Variants in SLC35F1 observed in about 807,000 individuals in gnomAD.
SLC35F1 encodes solute carrier family 35 member F1, also known as chromosome 6 open reading frame 169.
SLC35F1 carries 14 observed loss-of-function variants against 48.7 expected under a neutral mutation model. The ratio of observed to expected loss-of-function variants is 0.29; its 90% CI spans 0.19 to 0.45. The LOEUF is 0.45. SLC35F1 is among the 20% of genes least tolerant of loss of function. The pLI is 1.00. For synonymous variants in SLC35F1, 190 were observed against 202.2 expected, an observed-to-expected ratio of 0.94 and a Z score of 0.51; for missense variants, 404 against 500.0, an observed-to-expected ratio of 0.81 and a Z score of 1.83.
chr6:118,251,326 A>AT lies in SLC35F1; in HGVS notation c.478-15657dup, dbSNP rs1232506227. ...TGGTTGTGTTTTGTGTGTTTTTTAA[A>AT]TTTTTTTTTTTTACAGTAAGAACCC... On this transcript the variant is annotated intron_variant, in intron 3 of 7. Coordinates refer to ENST00000360388, the MANE Select transcript of SLC35F1 (RefSeq NM_001029858.4). 8.1e-4 allele frequency among the ~76,000 whole-genome samples: 120 copies of AT among 147,496 alleles called. 1 individual carries two copies. The highest frequency in any genetic ancestry group is 6.1e-3 in the South Asian group (28 of 4,614).
chr6:118,181,478 AC>A (rs1283041263), intron 2 of SLC35F1, among the ~76,000 whole-genome samples: 1 of 152,118 alleles, frequency 6.6e-6, no homozygotes, highest in Non-Finnish European at 1.5e-5. Flanking sequence ...TAGAGGGAAG[AC>A]AATAAAATGA....
chr6:117,921,353 GT>G (rs950438078), intron 1 of SLC35F1, among the ~76,000 whole-genome samples: 10 of 152,196 alleles, frequency 6.6e-5, no homozygotes, highest in African/African-American at 2.4e-4. Flanking sequence ...CCCGTAAGGG[GT>G]TTCCCCCCAT....
intron 1 of SLC35F1, among the ~76,000 whole-genome samples, chr6:117,974,829 C>T (rs1010892533): frequency 1.3e-5 from 2 of 152,098 alleles, no homozygotes; most frequent in African/African-American, 4.8e-5. Context: ...AGAAGAGTAG[C>T]ATTGTTTTAC....
At chr6:117,976,523 T>C (rs1026057305) in intron 1 of SLC35F1, among the ~76,000 whole-genome samples, 1 of 2,032 alleles carries the variant, frequency 4.9e-4, no homozygotes, top group East Asian at 0.083. Context: ...ATTATTTAGA[T>C]GATAAATAAA....
chr6:118,013,086 G>A (rs1317956371), intron 1 of SLC35F1, among the ~76,000 whole-genome samples: 1 of 152,098 alleles, frequency 6.6e-6, no homozygotes, highest in Non-Finnish European at 1.5e-5. Context: ...CCTGTTTTCT[G>A]CAGCTCAATG....
chr6:118,108,888 A>G (rs79544729), intron 1 of SLC35F1, among the ~76,000 whole-genome samples: 2,607 of 152,284 alleles, frequency 0.017, 77 homozygotes, highest in African/African-American at 0.059. Context: ...ATAAAATTAA[A>G]TTGCAATACT....
chr6:118,246,804 A>G, intron 3 of SLC35F1, among the ~76,000 whole-genome samples: 1 of 152,176 alleles, frequency 6.6e-6, no homozygotes, highest in East Asian at 1.9e-4. Flanking sequence ...GATGCAACCA[A>G]CAAAAAAAGT....
intron 1 of SLC35F1, among the ~76,000 whole-genome samples, chr6:117,962,065 G>A (rs561651889): frequency 1.2e-4 from 19 of 152,308 alleles, no homozygotes; most frequent in Admixed American, 7.2e-4. Context: ...ACATTTAGAT[G>A]TTTAGTAACT....
chr6:117,951,236 A>G (rs1416388909), intron 1 of SLC35F1, among the ~76,000 whole-genome samples: 1 of 152,206 alleles, frequency 6.6e-6, no homozygotes, highest in East Asian at 1.9e-4. Flanking sequence ...ATGAAATTCA[A>G]AAAAGGAAGG....
intron 3 of SLC35F1, among the ~76,000 whole-genome samples, chr6:118,244,175 C>G (rs535172256): frequency 6.6e-6 from 1 of 152,318 alleles, no homozygotes; most frequent in Non-Finnish European, 1.5e-5. Flanking sequence ...ATTACCATAC[C>G]CATTCCTACA....
intron 1 of SLC35F1, among the ~76,000 whole-genome samples, chr6:118,026,219 C>G (rs1484326065): frequency 6.6e-6 from 1 of 152,056 alleles, no homozygotes; most frequent in Non-Finnish European, 1.5e-5. Context: ...ATGAGCTAAA[C>G]CTGAAAGGAC....
chr6:118,032,748 G>T (rs765267544), intron 1 of SLC35F1, among the ~76,000 whole-genome samples: 1 of 152,090 alleles, frequency 6.6e-6, no homozygotes, highest in Non-Finnish European at 1.5e-5. Context: ...TTGTCATCAT[G>T]CTCTCCTGTA....
intron 1 of SLC35F1, among the ~76,000 whole-genome samples, chr6:118,116,247 GC>G (rs1253096210): frequency 6.6e-6 from 1 of 152,204 alleles, no homozygotes; most frequent in Non-Finnish European, 1.5e-5. Context: ...AAGAGAGCTG[GC>G]CTGCTACTCA....
At chr6:118,108,242 AC>A (rs1236030156) in intron 1 of SLC35F1, among the ~76,000 whole-genome samples, 1 of 152,146 alleles carries the variant, frequency 6.6e-6, no homozygotes, top group Non-Finnish European at 1.5e-5. Context: ...TTGATGTTTA[AC>A]TGTACAGGTT....
At chr6:118,104,367 C>G (rs1773300912) in intron 1 of SLC35F1, among the ~76,000 whole-genome samples, 1 of 152,098 alleles carries the variant, frequency 6.6e-6, no homozygotes, top group African/African-American at 2.4e-5. Flanking sequence ...ATTTAACCTC[C>G]CTAATTCTTA....
chr6:118,082,865 T>A (rs1225144750), intron 1 of SLC35F1, among the ~76,000 whole-genome samples: 1 of 152,138 alleles, frequency 6.6e-6, no homozygotes, highest in Non-Finnish European at 1.5e-5. Context: ...CTTGCCTGAA[T>A]CACCTGCTCA....
intron 1 of SLC35F1, 79 bp from the exon 2 acceptor site, chr6:118,154,366 G>C: frequency 7.8e-7 from 1 of 1,288,756 alleles, no homozygotes; most frequent in Non-Finnish European, 1.1e-6. Flanking sequence ...TGCTACCAGT[G>C]CTCAAAAAGT....
intron 1 of SLC35F1, among the ~76,000 whole-genome samples, chr6:117,975,853 C>T (rs185234481): frequency 4.6e-5 from 7 of 152,282 alleles, no homozygotes; most frequent in Admixed American, 4.6e-4. Flanking sequence ...TATCTTCTAT[C>T]ATTTCTGAAA....
intron 3 of SLC35F1, among the ~76,000 whole-genome samples, chr6:118,244,060 G>C (rs1385453035): frequency 6.6e-6 from 1 of 152,180 alleles, no homozygotes; most frequent in Non-Finnish European, 1.5e-5. Flanking sequence ...ATTTGGTTGG[G>C]TGCTGCACAG....
Sources: allele counts gnomAD v4.1 joint callset (sites outside exome capture counted in the v4.1 genomes callset), GRCh38; gene constraint gnomAD v4.1.1; transcripts MANE v1.5; gene names NCBI Gene and HGNC (gene_info 2026-07-23, HGNC 2026-07-21).